The following KLHL13 variants were observed in gnomAD, a reference collection of about 807,000 sequenced individuals.
KLHL13 encodes kelch-like protein 13.
KLHL13 carries 10 observed loss-of-function variants against 37.1 expected under a neutral mutation model. That is an observed-to-expected ratio of 0.27 (90% confidence interval 0.17 to 0.46). The LOEUF (loss-of-function observed/expected upper bound fraction) is 0.46. KLHL13 is among the 20% of genes least tolerant of loss of function. KLHL13 has a pLI of 1.00. For missense variants in KLHL13, 360 were observed against 509.3 expected (o/e 0.71, Z 2.82); for synonymous variants, 163 against 181.2 (o/e 0.90, Z 0.81).
chrX:118,030,167 G>T (rs1372389669), intron 1 of KLHL13, among the ~76,000 whole-genome samples: 1 of 110,911 alleles, frequency 9.0e-6, no homozygotes, highest in African/African-American at 3.3e-5. Context: ...TAAATCAAAT[G>T]ACATCATTTA....
intron 1 of KLHL13, among the ~76,000 whole-genome samples, chrX:118,100,298 C>A (rs942567045): frequency 9.0e-6 from 1 of 111,618 alleles, no homozygotes; most frequent in South Asian, 3.8e-4. Context: ...CAGCTGCTAC[C>A]ACGTTCTCAG....
intron 1 of KLHL13, among the ~76,000 whole-genome samples, chrX:118,094,128 GT>G (rs2055171953): frequency 9.1e-6 from 1 of 109,937 alleles, no homozygotes; most frequent in South Asian, 4.0e-4. Context: ...AGGCAAAGAA[GT>G]TAAAAACCTT....
chrX:117,908,820 A>G (rs1930770723), intron 5 of KLHL13, among the ~76,000 whole-genome samples: 1 of 112,384 alleles, frequency 8.9e-6, no homozygotes, highest in South Asian at 3.7e-4. Flanking sequence ...TGAACTTTGT[A>G]CATTTAATCT....
intron 1 of KLHL13, among the ~76,000 whole-genome samples, chrX:117,969,419 T>G (rs1223585937): frequency 8.9e-6 from 1 of 111,981 alleles, no homozygotes; most frequent in Non-Finnish European, 1.9e-5. Flanking sequence ...CTTTCAGCTT[T>G]ATTAATTTAG....
chrX:117,930,293 GC>G (rs1185773066), intron 2 of KLHL13, among the ~76,000 whole-genome samples: 9 of 98,889 alleles, frequency 9.1e-5, no homozygotes, highest in African/African-American at 2.4e-4. Context: ...AGGAAGGAAG[GC>G]AGGCAGGCAG....
intron 1 of KLHL13, among the ~76,000 whole-genome samples, chrX:118,002,219 C>A (rs761675738): frequency 9.0e-6 from 1 of 111,514 alleles, no homozygotes; most frequent in South Asian, 3.8e-4. Context: ...ATTTTCCTCA[C>A]GGACTTCATG....
chrX:117,991,457 A>G (rs1167561752), intron 1 of KLHL13, among the ~76,000 whole-genome samples: 1 of 111,445 alleles, frequency 9.0e-6, no homozygotes, highest in Non-Finnish European at 1.9e-5. Flanking sequence ...CAAAATTTAG[A>G]ATTCATTTTG....
chrX:118,109,743 G>C (rs937268340), intron 1 of KLHL13, among the ~76,000 whole-genome samples: 2 of 112,209 alleles, frequency 1.8e-5, no homozygotes, highest in African/African-American at 6.5e-5. Context: ...CACAATGCTT[G>C]GAATATAATA....
intron 1 of KLHL13, among the ~76,000 whole-genome samples, chrX:118,031,410 T>C (rs1172189364): frequency 2.0e-5 from 2 of 100,243 alleles, no homozygotes; most frequent in Non-Finnish European, 4.0e-5. Context: ...ACTAAAACTT[T>C]TAGCCAGGGA....
Position 118,032,881 on chromosome X carries a change from T to C in KLHL13, c.-56+83627A>G, listed in dbSNP as rs867776823. ...GAATGTATAACTAGAATAACCAATATAGAGAAGTGCTTAAAGGAGCTGATG... is the reference window on the plus strand; with the variant it reads ...GAATGTATAACTAGAATAACCAATACAGAGAAGTGCTTAAAGGAGCTGATG... On this transcript the variant is annotated intron_variant, in intron 1 of 6. Transcript: ENST00000371882. Among the ~76,000 whole-genome samples, 866 of 110,718 alleles carry C rather than the reference T, an allele frequency of 7.8e-3. 7 individuals carry two copies. Among genetic ancestry groups the C allele is most frequent in the African/African-American group, 0.025 (767 of 30,310 alleles).
At chrX:117,988,267 T>C (rs2053750652) in intron 1 of KLHL13, among the ~76,000 whole-genome samples, 1 of 112,254 alleles carries the variant, frequency 8.9e-6, no homozygotes, top group Non-Finnish European at 1.9e-5. Flanking sequence ...AAGTGTCATA[T>C]AATAGTGATT....
intron 5 of KLHL13, among the ~76,000 whole-genome samples, chrX:117,902,505 C>T (rs1930162719): frequency 1.8e-5 from 2 of 111,493 alleles, no homozygotes; most frequent in East Asian, 2.8e-4. Flanking sequence ...GCTAATAGTT[C>T]GTATATACCC....
intron 1 of KLHL13, among the ~76,000 whole-genome samples, chrX:118,104,086 G>A (rs890150072): frequency 9.6e-6 from 1 of 103,860 alleles, no homozygotes; most frequent in East Asian, 2.9e-4. Context: ...GCCAGGCATG[G>A]TGATGTGCGC....
rs2055471097 is a variant in KLHL13 at position 118,116,494 on chromosome X, G to A, written c.-56+14C>T. 8.8e-6 allele frequency: 1 copy of A among 112,998 alleles called. No individual in the cohort carries two copies. The highest frequency in any genetic ancestry group is 1.9e-5 in the Non-Finnish European group (1 of 53,311). The allele number at this position is 112,998 out of a possible 1,213,427, so 9.3% of individuals were successfully genotyped here. ...GGCTGCTGGAGCCCCTGTGACTTCA[G>A]GACCCTGCCTCACCTTGCTCGCCGC... On this transcript the variant is annotated intron_variant, in intron 1 of 6. Transcript: ENST00000371882.
At chrX:117,985,127 A>T in intron 1 of KLHL13, 1 of 478,793 alleles carries the variant, frequency 2.1e-6, no homozygotes, top group Non-Finnish European at 3.3e-6. Context: ...ATTCTACAAT[A>T]CATCTAAAAT....
intron 1 of KLHL13, among the ~76,000 whole-genome samples, chrX:118,020,798 A>T (rs187237133): frequency 7.3e-5 from 8 of 110,222 alleles, no homozygotes; most frequent in Admixed American, 6.7e-4. Flanking sequence ...TACACCATGG[A>T]ATACTATGCA....
rs2054432851 is a variant in KLHL13 at position 118,035,908 on chromosome X, A to T, written c.-56+80600T>A. ...ACTTCAGCAAAGTCTCAGGATACAAAATCAATGTGCAAAAATCACAAGCAT... is the reference window on the plus strand; with the variant it reads ...ACTTCAGCAAAGTCTCAGGATACAATATCAATGTGCAAAAATCACAAGCAT... On this transcript the variant is annotated intron_variant, in intron 1 of 6. Transcript: ENST00000371882. Among the ~76,000 whole-genome samples the T allele has an allele frequency of 4.0e-5, 4 of 101,008 alleles. No homozygotes were observed. In the South Asian group the frequency reaches 1.8e-3, roughly 44 times the overall value. The allele number at this position is 101,008 out of a possible 115,157, so 87.7% of individuals were successfully genotyped here. A position where few individuals can be genotyped will look rare whatever the true frequency, so the allele number is the denominator to read the frequency against.
At chrX:117,955,775 T>A (rs770022455) in intron 1 of KLHL13, among the ~76,000 whole-genome samples, 6 of 111,677 alleles carry the variant, frequency 5.4e-5, no homozygotes, top group African/African-American at 1.9e-4. Flanking sequence ...TAAGGGTTTT[T>A]TTCCACAAAA....
intron 1 of KLHL13, among the ~76,000 whole-genome samples, chrX:117,985,703 C>G (rs1227738828): frequency 9.1e-6 from 1 of 110,448 alleles, no homozygotes; most frequent in Non-Finnish European, 1.9e-5. Flanking sequence ...TGAAAGTAAC[C>G]TTATTTTTTT....
Sources: gnomAD v4.1 joint callset for allele counts (sites outside exome capture counted in the v4.1 genomes callset) on GRCh38, gnomAD v4.1.1 for gene constraint, MANE v1.5 for transcripts, NCBI Gene and HGNC (gene_info 2026-07-23, HGNC 2026-07-21) for gene names.